The following KLF8 variants were observed in gnomAD, a reference collection of about 807,000 sequenced individuals.
The protein encoded by KLF8 is KLF transcription factor 8.
KLF8 carries 10 observed loss-of-function variants against 18.2 expected under a neutral mutation model. The observed-to-expected ratio is 0.55, with a 90% CI of 0.34 to 0.93. The LOEUF (loss-of-function observed/expected upper bound fraction) is 0.93, where lower values mean the gene tolerates loss of function less well. KLF8 is among the 40% of genes least tolerant of loss of function. The pLI, the probability that KLF8 is intolerant of heterozygous loss-of-function variation, is 0.02. For synonymous variants in KLF8, 109 were observed against 97.3 expected, an observed-to-expected ratio of 1.12 and a Z score of -0.71; for missense variants, 264 against 277.9, an observed-to-expected ratio of 0.95 and a Z score of 0.36.
chrX:56,096,529 T>C, the KLF8 span, among the ~76,000 whole-genome samples: 1 of 111,729 alleles, frequency 9.0e-6, no homozygotes, highest in Middle Eastern at 4.6e-3. Flanking sequence ...ATTTGTGGGA[T>C]GCAACAAAAG....
chrX:56,196,322 G>A, the KLF8 span, among the ~76,000 whole-genome samples: 1 of 111,513 alleles, frequency 9.0e-6, no homozygotes, highest in Non-Finnish European at 1.9e-5. Context: ...TCAGTGTGCT[G>A]TATTCAGGAA....
chrX:56,189,571 A>G, the KLF8 span, among the ~76,000 whole-genome samples: 4 of 111,040 alleles, frequency 3.6e-5, no homozygotes, highest in Non-Finnish European at 7.5e-5. Flanking sequence ...ACATGCACAC[A>G]TATGTTTATT....
the KLF8 span, among the ~76,000 whole-genome samples, chrX:56,015,518 T>G: frequency 8.9e-6 from 1 of 112,605 alleles, no homozygotes; most frequent in Non-Finnish European, 1.9e-5. Flanking sequence ...GTGAATTGCC[T>G]TTGTACATTT....
chrX:55,998,744 C>T, the KLF8 span, among the ~76,000 whole-genome samples: 1 of 107,995 alleles, frequency 9.3e-6, no homozygotes, highest in South Asian at 4.0e-4. Flanking sequence ...GATATTAGTT[C>T]TTTGTTGAAT....
At chrX:56,055,251 G>A in the KLF8 span, among the ~76,000 whole-genome samples, 29 of 111,921 alleles carry the variant, frequency 2.6e-4, no homozygotes, top group Admixed American at 2.6e-3. Context: ...TTTTTCAGGG[G>A]ATCTTTTAAA....
At chrX:56,011,860 A>G in the KLF8 span, among the ~76,000 whole-genome samples, 1 of 111,909 alleles carries the variant, frequency 8.9e-6, no homozygotes. Flanking sequence ...ATCTAGAAAA[A>G]ATTGATAAAT....
chrX:56,082,232 G>T, the KLF8 span, among the ~76,000 whole-genome samples: 4 of 111,524 alleles, frequency 3.6e-5, no homozygotes, highest in African/African-American at 9.7e-5. Flanking sequence ...TAACCACTTC[G>T]TTGGTGTACA....
At chrX:56,034,330 C>T in the KLF8 span, among the ~76,000 whole-genome samples, 4 of 111,796 alleles carry the variant, frequency 3.6e-5, no homozygotes, top group Admixed American at 3.8e-4. Flanking sequence ...AATGAAAACA[C>T]ATGTGTTTAT....
chrX:56,185,504 G>A, the KLF8 span, among the ~76,000 whole-genome samples: 2 of 111,113 alleles, frequency 1.8e-5, no homozygotes, highest in Middle Eastern at 4.2e-3. Context: ...CCAACATTCA[G>A]ATTCAGGAAA....
chrX:56,220,610 C>T, the KLF8 span, among the ~76,000 whole-genome samples: 11 of 111,396 alleles, frequency 9.9e-5, no homozygotes, highest in South Asian at 3.8e-4. Flanking sequence ...CTCAGCCTCC[C>T]GAGTAGTTGG....
intron 2 of KLF8, among the ~76,000 whole-genome samples, chrX:56,261,919 C>A (rs2066887681): frequency 8.9e-6 from 1 of 111,804 alleles, no homozygotes; most frequent in South Asian, 3.8e-4. Flanking sequence ...TGAGAACAGT[C>A]TGTTTTCTTA....
the KLF8 span, among the ~76,000 whole-genome samples, chrX:56,179,396 G>A: frequency 1.8e-5 from 2 of 112,313 alleles, no homozygotes; most frequent in South Asian, 3.7e-4. Flanking sequence ...TTTAGGCTGA[G>A]ACTATGGGTT....
At chrX:56,193,211 A>G in the KLF8 span, among the ~76,000 whole-genome samples, 8 of 112,848 alleles carry the variant, frequency 7.1e-5, no homozygotes, top group Non-Finnish European at 1.5e-4. Flanking sequence ...AAACAAGCTT[A>G]TGAAAAGGTG....
chrX:55,941,349 C>A, the KLF8 span, among the ~76,000 whole-genome samples: 2 of 112,111 alleles, frequency 1.8e-5, no homozygotes, highest in African/African-American at 6.5e-5. Flanking sequence ...CCCTTCCTTA[C>A]ACCTTATACA....
At chrX:56,184,144 C>T in the KLF8 span, among the ~76,000 whole-genome samples, 2 of 112,242 alleles carry the variant, frequency 1.8e-5, no homozygotes, top group Non-Finnish European at 3.8e-5. Context: ...CAGACGGCAC[C>T]TGGAAAATCG....
At chrX:56,251,435 T>G (rs1308695024) in intron 2 of KLF8, among the ~76,000 whole-genome samples, 1 of 111,747 alleles carries the variant, frequency 8.9e-6, no homozygotes. Context: ...TTTTATTTTA[T>G]TTTTTGAATT....
chrX:56,155,752 C>A, the KLF8 span, among the ~76,000 whole-genome samples: 1 of 111,008 alleles, frequency 9.0e-6, no homozygotes, highest in Non-Finnish European at 1.9e-5. Flanking sequence ...GAATACAAAT[C>A]CCATCACCCT....
the KLF8 span, among the ~76,000 whole-genome samples, chrX:55,965,052 A>C: frequency 1.8e-5 from 2 of 111,526 alleles, no homozygotes; most frequent in African/African-American, 6.5e-5. Context: ...AATTCATTCT[A>C]TGAGGCCAGA....
chrX:56,276,126 G>A (rs1394749172), intron 5 of KLF8, among the ~76,000 whole-genome samples: 1 of 110,480 alleles, frequency 9.1e-6, no homozygotes, highest in Non-Finnish European at 1.9e-5. Context: ...TCCTTCCTGG[G>A]AGACCTGCCC....
Sources: gnomAD v4.1 joint callset for allele counts (sites outside exome capture counted in the v4.1 genomes callset) on GRCh38, gnomAD v4.1.1 for gene constraint, MANE v1.5 for transcripts, NCBI Gene and HGNC (gene_info 2026-07-23, HGNC 2026-07-21) for gene names.